The following MAGEB1 variants were observed in gnomAD, a reference collection of about 807,000 sequenced individuals.
MAGEB1 encodes the protein melanoma-associated antigen B1.
For synonymous variants in MAGEB1, 99 were observed against 105.7 expected (o/e 0.94, Z 0.39); for missense variants, 290 against 286.7 (o/e 1.01, Z -0.08).
In MAGEB1 at chrX:30,251,080, C is replaced by G; in HGVS notation, c.587C>G (p.Pro196Arg). The G allele has an allele frequency of 8.3e-7, 1 of 1,210,497 alleles. No individual in the cohort carries two copies. The highest frequency in any genetic ancestry group is 2.3e-4 in the Middle Eastern group (1 of 4,354). Residue 196 changes from proline (P) to arginine (R), a missense_variant, in exon 2 of 2, where the codon CCC (proline) becomes CGC (arginine). Coordinates refer to ENST00000397548, the MANE Select transcript of MAGEB1 (RefSeq NM_177404.3). ...DGNLSNDWDF[P>R]RNGLLMPLLG... is the part of the protein sequence containing the mutation. ...AACCTGAGCAATGATTGGGACTTTC[C>G]CAGGAATGGGCTTCTGATGCCTCTC...
In MAGEB1 at chrX:30,250,921, A is replaced by G. The variant is rs763273150; in HGVS notation, c.428A>G (p.Lys143Arg). ...CTGAAGGTTGTTGATGAAAAGTACAAGGATCACTTCACTGAGATCCTCAAT... is the reference window on the plus strand; with the variant it reads ...CTGAAGGTTGTTGATGAAAAGTACAGGGATCACTTCACTGAGATCCTCAAT... Reference protein sequence around the residue: ...DMLKVVDEKYKDHFTEILNGA... With the variant: ...DMLKVVDEKYRDHFTEILNGA... Residue 143 changes from lysine (K) to arginine (R), a missense_variant, in exon 2 of 2, where the codon AAG becomes AGG. Physicochemically the swap from Lys to Arg is conservative, Grantham distance 26. Transcript: ENST00000397548. The G allele has an allele frequency of 9.1e-6, 11 of 1,211,918 alleles. No individual in the cohort carries two copies. Among genetic ancestry groups the G allele is most frequent in the Non-Finnish European group, 1.2e-5 (11 of 895,365 alleles).
At chrX:30,247,811 G>T (rs1175498839) in intron 1 of MAGEB1, among the ~76,000 whole-genome samples, 2 of 110,271 alleles carry the variant, frequency 1.8e-5, no homozygotes, top group African/African-American at 6.6e-5. Context: ...AGGCGTGGTG[G>T]TGGGCTGCTG....
chrX:30,251,797 A>G lies in MAGEB1; in HGVS notation c.*260A>G, dbSNP rs1925542749. 1 of 300,513 alleles carries G rather than the reference A, an allele frequency of 3.3e-6. No individual in the cohort carries two copies. Among genetic ancestry groups the G allele is most frequent in the Non-Finnish European group, 6.0e-6 (1 of 165,591 alleles). The allele number at this position is 300,513 out of a possible 1,213,427, so 24.8% of individuals were successfully genotyped here. A position where few individuals can be genotyped will look rare whatever the true frequency, so the allele number is the denominator to read the frequency against. On this transcript the variant is annotated 3_prime_UTR_variant, in exon 2 of 2. Transcript: ENST00000397548. ...AGTTTTGATATTCTATATTTTTCAA[A>G]TCCTTGAATCTTTTTTGGGTTGAAG...
upstream of MAGEB1, chrX:30,243,919 T>C (rs1032924274): frequency 5.6e-5 from 7 of 124,694 alleles, no homozygotes; most frequent in African/African-American, 2.2e-4. Context: ...ATTTATCTTT[T>C]CTTTTTCCTG....
chrX:30,246,796 T>G (rs900910286), upstream of MAGEB1, among the ~76,000 whole-genome samples: 4 of 111,689 alleles, frequency 3.6e-5, no homozygotes, highest in Non-Finnish European at 7.5e-5. Context: ...GCTTCAGTTC[T>G]GCCTGGAGAG....
rs1207449433 is a variant in MAGEB1, at chrX:30,251,628, A to G, written c.*91A>G. The stretch of plus-strand genomic sequence containing the variant: ...CCAAGATATGGCTAGAGAGATCATC[A>G]TATATATCTCCTTTGTGTTCCTGTT... On this transcript the variant is annotated 3_prime_UTR_variant, in exon 2 of 2. Coordinates refer to ENST00000397548, the MANE Select transcript of MAGEB1 (RefSeq NM_177404.3). 1 of 702,795 alleles carries G rather than the reference A, an allele frequency of 1.4e-6. No individual in the cohort carries two copies. Among genetic ancestry groups the G allele is most frequent in the Non-Finnish European group, 2.1e-6 (1 of 467,694 alleles). 57.9% of individuals were successfully genotyped at this position (702,795 alleles called of 1,213,427 possible). A position where few individuals can be genotyped will look rare whatever the true frequency, so the allele number is the denominator to read the frequency against.
At position 30,251,051 on chromosome X, in the gene MAGEB1, T is replaced by C; in HGVS notation, c.558T>C (p.Asp186=). Residue 186 remains aspartate, a synonymous_variant, in exon 2 of 2, where the codon GAT becomes GAC. Transcript: ENST00000397548. The part of the protein sequence containing the change: ...TLVSKLNLTN[D]GNLSNDWDFP... ...TCAGTAAGCTAAACCTCACCAATGA[T>C]GGAAACCTGAGCAATGATTGGGACT... 2.5e-6 allele frequency: 3 copies of C among 1,210,936 alleles called. No individual in the cohort carries two copies. Among genetic ancestry groups the C allele is most frequent in the Non-Finnish European group, 2.2e-6 (2 of 895,060 alleles).
At chrX:30,249,944 C>G (rs1419802552) in intron 1 of MAGEB1, among the ~76,000 whole-genome samples, 2 of 111,884 alleles carry the variant, frequency 1.8e-5, no homozygotes, top group African/African-American at 6.5e-5. Context: ...CAGCTTTGGT[C>G]TGAAGATGCA....
intron 1 of MAGEB1, 49 bp from the exon 2 acceptor site, chrX:30,250,385 G>T: frequency 1.5e-6 from 1 of 667,744 alleles, no homozygotes; most frequent in Non-Finnish European, 2.2e-6. Flanking sequence ...AGCCAAGGTG[G>T]TACCTCCCTG....
intron 1 of MAGEB1, among the ~76,000 whole-genome samples, chrX:30,250,047 A>G (rs2146986642): frequency 1.8e-5 from 2 of 111,757 alleles, no homozygotes; most frequent in East Asian, 2.8e-4. Context: ...CCCAGGACAG[A>G]GAGAGTTCCA....
Position 30,250,526 on chromosome X carries a change from T to A in MAGEB1, c.33T>A (p.Ala11=). MPRGQKSKLR[A]REKRRKAREE... The stretch of plus-strand genomic sequence containing the variant: ...GGGGTCAGAAGAGTAAGCTCCGTGC[T>A]CGTGAGAAACGCCGCAAGGCGCGAG... The change falls in exon 2 of 2, where the codon GCT becomes GCA. Residue 11 remains alanine (A), a synonymous_variant. Transcript: ENST00000397548. 1 of 1,202,424 alleles carries A rather than the reference T, an allele frequency of 8.3e-7. No homozygotes were observed. Among genetic ancestry groups the A allele is most frequent in the Non-Finnish European group, 1.1e-6 (1 of 890,968 alleles).
At chrX:30,244,227 A>G (rs1417797577), upstream of MAGEB1, 3 of 123,547 alleles carry the variant, frequency 2.4e-5, no homozygotes, top group African/African-American at 9.7e-5. Context: ...TATTCTTTTT[A>G]GTCTTTCTTT....
chrX:30,247,097 T>C (rs1291102038), upstream of MAGEB1: 1 of 109,326 alleles, frequency 9.1e-6, no homozygotes, highest in Non-Finnish European at 1.9e-5. Context: ...TCCAGAAGCG[T>C]ACCACCCCTG....
chrX:30,244,607 G>A (rs1925249520), upstream of MAGEB1, among the ~76,000 whole-genome samples: 1 of 111,939 alleles, frequency 8.9e-6, no homozygotes, highest in South Asian at 3.7e-4. Context: ...CTGAGACTTC[G>A]GGAAACTGAA....
upstream of MAGEB1, chrX:30,247,119 G>T (rs1187703157): frequency 9.4e-6 from 1 of 106,064 alleles, no homozygotes; most frequent in East Asian, 3.1e-4. Flanking sequence ...CGTCAGCCCG[G>T]AGGCCACGGG....
upstream of MAGEB1, among the ~76,000 whole-genome samples, chrX:30,246,589 C>T (rs1925311645): frequency 8.9e-6 from 1 of 111,853 alleles, no homozygotes; most frequent in Admixed American, 9.4e-5. Flanking sequence ...CTCAGTTTTA[C>T]AGAGCGAAGA....
At position 30,251,351 on chromosome X, in the gene MAGEB1, C is replaced by T. The variant is rs200036251; in HGVS notation, c.858C>T (p.Leu286=). 7 of 1,211,799 alleles carry T rather than the reference C, an allele frequency of 5.8e-6. No individual in the cohort carries two copies. The East Asian group carries it at 8.9e-5, about 15-fold the overall frequency. Residue 286 remains leucine (L), a synonymous_variant, in exon 2 of 2, where the codon CTC becomes CTT. Transcript: ENST00000397548. ...CTGAAACCACCAAGATGAAAGTCCT[C>T]GAGTTTTTGGCCAAGATGAATGGTG... ...AYAETTKMKV[L]EFLAKMNGAT...
upstream of MAGEB1, chrX:30,247,042 A>AC (rs1441161071): frequency 3.6e-5 from 4 of 110,579 alleles, no homozygotes; most frequent in South Asian, 3.9e-4. Flanking sequence ...TAAGGTGAGG[A>AC]CCCCTAGTGG....
chrX:30,244,017 T>C (rs1318799980), upstream of MAGEB1: 1 of 123,811 alleles, frequency 8.1e-6, no homozygotes, highest in African/African-American at 3.2e-5. Flanking sequence ...TTTATTAAAA[T>C]ATATCAGGTT....
Sources: gnomAD v4.1 joint callset for allele counts (sites outside exome capture counted in the v4.1 genomes callset) on GRCh38, gnomAD v4.1.1 for gene constraint, MANE v1.5 for transcripts, NCBI Gene and HGNC (gene_info 2026-07-23, HGNC 2026-07-21) for gene names.